Variants in ROCK1 observed in about 807,000 individuals in gnomAD.
ROCK1 encodes Rho associated coiled-coil containing protein kinase 1.
Under a neutral mutation model 196.8 loss-of-function variants are expected in ROCK1, and 36 were observed. That is an observed-to-expected ratio of 0.18 (90% CI 0.14 to 0.24). The LOEUF is 0.24. ROCK1 is among the 10% of genes least tolerant of loss of function. The probability of loss-of-function intolerance (pLI) is 1.00; values close to 1 mark genes in which losing one functional copy is unlikely to be tolerated. For synonymous variants in ROCK1, 443 were observed against 515.9 expected (o/e 0.86, Z 1.91); for missense variants, 920 against 1,562.0 (o/e 0.59, Z 6.93).
chr18:21,023,903 A>G (rs10221439), intron 10 of ROCK1, among the ~76,000 whole-genome samples: 7,761 of 152,286 alleles, frequency 0.051, 658 homozygotes, highest in African/African-American at 0.18. Context: ...GCCTGTAAAC[A>G]TATGACTTAA....
At chr18:21,016,312 A>G (rs1361687602) in intron 12 of ROCK1, among the ~76,000 whole-genome samples, 3 of 152,208 alleles carry the variant, frequency 2.0e-5, no homozygotes, top group African/African-American at 7.2e-5. Context: ...AAGGACTTCA[A>G]ATTTCATCCA....
chr18:21,081,585 C>T (rs2036483143), intron 1 of ROCK1, among the ~76,000 whole-genome samples: 1 of 151,984 alleles, frequency 6.6e-6, no homozygotes, highest in African/African-American at 2.4e-5. Flanking sequence ...CAAAGTAGGT[C>T]TTCTGAAAAG....
chr18:21,071,152 G>A (rs2036380853), intron 1 of ROCK1, among the ~76,000 whole-genome samples: 2 of 150,630 alleles, frequency 1.3e-5, no homozygotes, highest in Non-Finnish European at 2.9e-5. Flanking sequence ...AGCAGTAAAG[G>A]ACACACCTGA....
intron 22 of ROCK1, among the ~76,000 whole-genome samples, chr18:20,972,528 T>C (rs1242868219): frequency 1.3e-5 from 2 of 152,218 alleles, no homozygotes; most frequent in African/African-American, 4.8e-5. Context: ...TCCAAACTTT[T>C]AACGGTCTCA....
chr18:21,071,752 T>C (rs1399596398), intron 1 of ROCK1, among the ~76,000 whole-genome samples: 2 of 152,000 alleles, frequency 1.3e-5, no homozygotes, highest in Admixed American at 6.6e-5. Context: ...GGTCAAAACA[T>C]TAAAAAAATA....
rs770636388 is a variant in ROCK1 at position 20,991,291 on chromosome 18, T to A, written c.2028A>T (p.Lys676Asn). The stretch of plus-strand genomic sequence containing the variant: ...CTAACCGTTGTTGTAATGATTTAAG[T>A]TTGTAGTTTAAATCTATCTCTAAAT... ...KNNLEIDLNY[K>N]LKSLQQRLEQ... is the part of the protein sequence containing the mutation. The change falls in exon 18 of 33, where the codon AAA becomes AAT. Residue 676 changes from lysine to asparagine, a missense_variant. Transcript: ENST00000399799. The A allele has an allele frequency of 6.2e-7, 1 of 1,603,334 alleles. No individual in the cohort carries two copies. Among genetic ancestry groups the A allele is most frequent in the Admixed American group, 1.7e-5 (1 of 59,038 alleles).
At chr18:20,965,806 G>A (rs1304312700) in intron 27 of ROCK1, among the ~76,000 whole-genome samples, 1 of 152,108 alleles carries the variant, frequency 6.6e-6, no homozygotes, top group Non-Finnish European at 1.5e-5. Flanking sequence ...TTTCTTCGCT[G>A]CCTTTCCATT....
At chr18:21,061,760 G>A (rs988526133) in intron 2 of ROCK1, among the ~76,000 whole-genome samples, 15 of 152,180 alleles carry the variant, frequency 9.9e-5, no homozygotes, top group African/African-American at 3.1e-4. Context: ...GTTTTAGCTG[G>A]AAACTAAGGC....
At chr18:21,068,914 GA>G (rs1489727394) in intron 2 of ROCK1, among the ~76,000 whole-genome samples, 1 of 152,086 alleles carries the variant, frequency 6.6e-6, no homozygotes, top group African/African-American at 2.4e-5. Flanking sequence ...TCTAAATTGG[GA>G]AAGTTTTACT....
chr18:21,106,430 G>C (rs2143609319), intron 1 of ROCK1, among the ~76,000 whole-genome samples: 1 of 152,248 alleles, frequency 6.6e-6, no homozygotes, highest in East Asian at 1.9e-4. Context: ...AGCCCTCCAG[G>C]AGCGAGCCAC....
intron 2 of ROCK1, among the ~76,000 whole-genome samples, chr18:21,054,534 C>T (rs2036231218): frequency 6.6e-6 from 1 of 151,988 alleles, no homozygotes. Flanking sequence ...GGGAGATCCC[C>T]CACATCCCCA....
chr18:21,054,368 G>C (rs1335590652), intron 2 of ROCK1, among the ~76,000 whole-genome samples: 2 of 151,280 alleles, frequency 1.3e-5, no homozygotes, highest in African/African-American at 4.9e-5. Context: ...CTTAGTTCAT[G>C]AGCCACAGTG....
intron 10 of ROCK1, among the ~76,000 whole-genome samples, chr18:21,028,479 C>G (rs1045182848): frequency 3.3e-5 from 5 of 151,980 alleles, no homozygotes; most frequent in Admixed American, 3.3e-4. Flanking sequence ...GTATTATAAA[C>G]CATAAGTCTA....
intron 2 of ROCK1, among the ~76,000 whole-genome samples, chr18:21,066,653 T>G (rs571178174): frequency 1.3e-5 from 2 of 152,262 alleles, no homozygotes; most frequent in African/African-American, 4.8e-5. Context: ...AAGTTTTGCA[T>G]TTCCAGCATG....
intron 5 of ROCK1, 23 bp downstream of exon 5, chr18:21,045,269 A>C (rs762397266): frequency 7.1e-6 from 11 of 1,552,206 alleles, no homozygotes; most frequent in African/African-American, 1.4e-5. Context: ...AAATGAGAAA[A>C]TTTAAAGCAC....
chr18:20,987,710 GTTTA>G (rs1363246158), intron 18 of ROCK1, among the ~76,000 whole-genome samples: 1 of 152,134 alleles, frequency 6.6e-6, no homozygotes, highest in East Asian at 1.9e-4. Flanking sequence ...AAGGATTCAA[GTTTA>G]TTTAAAGTGT....
Position 20,991,293 on chromosome 18 carries a change from T to G in ROCK1, c.2026A>C (p.Lys676Gln). 1 of 1,603,162 alleles carries G rather than the reference T, an allele frequency of 6.2e-7. No homozygotes were observed. Among genetic ancestry groups the G allele is most frequent in the East Asian group, 2.2e-5 (1 of 44,772 alleles). Residue 676 changes from lysine (K) to glutamine (Q), a missense_variant, in exon 18 of 33, where the codon AAA becomes CAA. Around this residue, in one of 6 missense-constraint regions of ROCK1, gnomAD observed 520 missense variants for 657.1 expected, o/e 0.79. Coordinates refer to ENST00000399799, the MANE Select transcript of ROCK1 (RefSeq NM_005406.3). ...AACCGTTGTTGTAATGATTTAAGTT[T>G]GTAGTTTAAATCTATCTCTAAATTA... ...KNNLEIDLNYKLKSLQQRLEQ... is the reference protein window; with the variant it reads ...KNNLEIDLNYQLKSLQQRLEQ...
intron 1 of ROCK1, among the ~76,000 whole-genome samples, chr18:21,107,713 T>C (rs1381997167): frequency 2.0e-5 from 3 of 152,180 alleles, no homozygotes; most frequent in Admixed American, 6.5e-5. Context: ...AGAAAATTCA[T>C]GCTAGATACT....
intron 1 of ROCK1, 77 bp downstream of exon 1, chr18:21,110,741 C>G: frequency 8.5e-7 from 1 of 1,171,340 alleles, no homozygotes. Context: ...GAGACTTTTG[C>G]AGCGAACCAG....
Sources: allele counts gnomAD v4.1 joint callset (sites outside exome capture counted in the v4.1 genomes callset), GRCh38; gene constraint gnomAD v4.1.1; regional missense constraint gnomAD v4.1.1; transcripts MANE v1.5; gene names NCBI Gene and HGNC (gene_info 2026-07-23, HGNC 2026-07-21).